UNC5D: variants seen among roughly 807,000 people sequenced by gnomAD.
UNC5D encodes unc-5 netrin receptor D, also known as netrin receptor UNC5D.
UNC5D carries 39 observed loss-of-function variants against 105.4 expected under a neutral mutation model. The observed-to-expected ratio is 0.37, with a 90% confidence interval of 0.29 to 0.48. The LOEUF (loss-of-function observed/expected upper bound fraction) is 0.48, where lower values mean the gene tolerates loss of function less well. UNC5D is among the 20% of genes least tolerant of loss of function. The pLI is 0.98. For missense variants in UNC5D, 991 were observed against 1,202.4 expected (o/e 0.82, Z 2.60); for synonymous variants, 452 against 450.4 (o/e 1.00, Z -0.04).
chr8:35,276,413 G>A (rs1232036306), intron 1 of UNC5D, among the ~76,000 whole-genome samples: 3 of 152,168 alleles, frequency 2.0e-5, no homozygotes, highest in Non-Finnish European at 4.4e-5. Flanking sequence ...GACAACGGAT[G>A]TCAAGGAGTC....
At chr8:35,291,877 T>G (rs1254836462) in intron 1 of UNC5D, among the ~76,000 whole-genome samples, 1 of 152,224 alleles carries the variant, frequency 6.6e-6, no homozygotes, top group Admixed American at 6.5e-5. Flanking sequence ...AATTTATTCT[T>G]CATATACTGA....
chr8:35,448,431 G>T (rs1326411743), intron 1 of UNC5D, among the ~76,000 whole-genome samples: 2 of 151,952 alleles, frequency 1.3e-5, no homozygotes, highest in Non-Finnish European at 2.9e-5. Flanking sequence ...TTAATTTCCA[G>T]TATAGACATT....
At chr8:35,373,879 C>A (rs762976097) in intron 1 of UNC5D, among the ~76,000 whole-genome samples, 9 of 152,144 alleles carry the variant, frequency 5.9e-5, no homozygotes, top group Non-Finnish European at 1.0e-4. Flanking sequence ...CATTTGAGCA[C>A]CAGGGTTCTG....
intron 2 of UNC5D, among the ~76,000 whole-genome samples, chr8:35,556,077 G>A (rs770855786): frequency 1.3e-5 from 2 of 152,010 alleles, no homozygotes; most frequent in African/African-American, 2.4e-5. Context: ...TGTGTAAAAT[G>A]GCAGTGATAA....
chr8:35,237,477 C>G (rs1343350171), intron 1 of UNC5D, among the ~76,000 whole-genome samples: 2 of 152,112 alleles, frequency 1.3e-5, no homozygotes, highest in Non-Finnish European at 2.9e-5. Context: ...CTCACAGTCA[C>G]TAACTCCAGG....
chr8:35,561,767 A>G (rs769240577), intron 2 of UNC5D, among the ~76,000 whole-genome samples: 1 of 152,184 alleles, frequency 6.6e-6, no homozygotes, highest in Non-Finnish European at 1.5e-5. Context: ...TAATTGATAC[A>G]TAATTTACAT....
chr8:35,367,907 C>G (rs1297979148), intron 1 of UNC5D, among the ~76,000 whole-genome samples: 1 of 152,180 alleles, frequency 6.6e-6, no homozygotes, highest in African/African-American at 2.4e-5. Flanking sequence ...CTTGCTATCT[C>G]TCTCCCTCGT....
chr8:35,673,744 T>C (rs544310457), intron 4 of UNC5D, among the ~76,000 whole-genome samples: 4 of 152,310 alleles, frequency 2.6e-5, no homozygotes, highest in African/African-American at 7.2e-5. Context: ...TAGAATCACA[T>C]TGGTGTCCAA....
At chr8:35,622,025 C>T (rs994895470) in intron 4 of UNC5D, among the ~76,000 whole-genome samples, 2 of 152,176 alleles carry the variant, frequency 1.3e-5, no homozygotes, top group East Asian at 1.9e-4. Flanking sequence ...GCTTGCAAAA[C>T]GCAGTTGCAT....
chr8:35,290,989 A>C (rs558914891), intron 1 of UNC5D, among the ~76,000 whole-genome samples: 1 of 151,486 alleles, frequency 6.6e-6, no homozygotes, highest in East Asian at 1.9e-4. Context: ...AAAGAGTGTC[A>C]GAGAAATTGG....
At chr8:35,510,414 A>G (rs1260421793) in intron 1 of UNC5D, among the ~76,000 whole-genome samples, 3 of 152,024 alleles carry the variant, frequency 2.0e-5, no homozygotes, top group Admixed American at 6.6e-5. Flanking sequence ...ACAGTATCAC[A>G]CACATCGTTG....
rs150561818 is a variant in UNC5D at position 35,788,700 on chromosome 8, GCA to G, written c.2658-1639_2658-1638del. On this transcript the variant is annotated intron_variant, in intron 16 of 16. Transcript: ENST00000404895. ...TTGGGAAGGCAGAAAACACACACAC[GCA>G]CACACACACACACACACACGAAATA... Among the ~76,000 whole-genome samples, 303 of 146,370 alleles carry G rather than the reference GCA, an allele frequency of 2.1e-3. 2 individuals carry two copies. The highest frequency in any genetic ancestry group is 3.2e-3 in the Admixed American group (46 of 14,598).
At chr8:35,596,944 T>G (rs1051059339) in intron 4 of UNC5D, among the ~76,000 whole-genome samples, 6 of 152,032 alleles carry the variant, frequency 3.9e-5, no homozygotes, top group African/African-American at 1.4e-4. Context: ...CAGGCCTGAG[T>G]TCAGCAGCAC....
At chr8:35,252,019 C>CTTTTT (rs1177014089) in intron 1 of UNC5D, among the ~76,000 whole-genome samples, 66 of 117,242 alleles carry the variant, frequency 5.6e-4, no homozygotes, top group Non-Finnish European at 8.2e-4. Flanking sequence ...ACCAATGGTT[C>CTTTTT]TTTTTTTTTT....
chr8:35,639,890 T>A (rs2131123100), intron 4 of UNC5D, among the ~76,000 whole-genome samples: 1 of 151,966 alleles, frequency 6.6e-6, no homozygotes, highest in East Asian at 2.0e-4. Flanking sequence ...CCTGGCTATT[T>A]TTTTTTTAAA....
intron 1 of UNC5D, among the ~76,000 whole-genome samples, chr8:35,545,991 C>CTTG (rs1815644615): frequency 6.6e-6 from 1 of 152,056 alleles, no homozygotes; most frequent in African/African-American, 2.4e-5. Flanking sequence ...ACCCCCTGAG[C>CTTG]TCAAGCGAGC....
intron 8 of UNC5D, among the ~76,000 whole-genome samples, chr8:35,706,269 T>G (rs554440173): frequency 3.4e-4 from 52 of 152,312 alleles, no homozygotes; most frequent in African/African-American, 1.3e-3. Context: ...AATTAATAAA[T>G]ATTTGTCAGT....
At chr8:35,284,302 T>A (rs1170113357) in intron 1 of UNC5D, among the ~76,000 whole-genome samples, 2 of 152,222 alleles carry the variant, frequency 1.3e-5, no homozygotes, top group South Asian at 4.1e-4. Context: ...CATCTTTTAA[T>A]TGAATGCTTA....
chr8:35,676,372 C>T (rs1330695042), intron 4 of UNC5D, among the ~76,000 whole-genome samples: 1 of 151,544 alleles, frequency 6.6e-6, no homozygotes, highest in African/African-American at 2.4e-5. Flanking sequence ...TAAGTAGAAA[C>T]CAGATAAAGA....
Sources: gnomAD v4.1 joint callset for allele counts (sites outside exome capture counted in the v4.1 genomes callset) on GRCh38, gnomAD v4.1.1 for gene constraint, MANE v1.5 for transcripts, NCBI Gene and HGNC (gene_info 2026-07-23, HGNC 2026-07-21) for gene names.